The following USP25 variants were observed in gnomAD, a reference collection of about 807,000 sequenced individuals.
USP25 encodes the protein ubiquitin carboxyl-terminal hydrolase 25.
A neutral mutation model predicts 158.5 loss-of-function variants in USP25; 85 were observed. That is an observed-to-expected ratio of 0.54 (90% CI 0.45 to 0.64). USP25 has a LOEUF of 0.64. Ranked by LOEUF, USP25 falls within the 30% of genes least tolerant of loss-of-function variation. The pLI is 0.00. For missense variants in USP25, 1,242 were observed against 1,327.3 expected, an observed-to-expected ratio of 0.94 and a Z score of 1.00; for synonymous variants, 464 against 460.4, an observed-to-expected ratio of 1.01 and a Z score of -0.10.
intron 20 of USP25, among the ~76,000 whole-genome samples, chr21:15,852,169 G>A (rs1357956150): frequency 2.0e-5 from 3 of 152,020 alleles, no homozygotes; most frequent in African/African-American, 7.2e-5. Flanking sequence ...TAAGGAAACT[G>A]TGCTCTTTGT....
chr21:15,789,252 AGG>A (rs2123596519), intron 4 of USP25, among the ~76,000 whole-genome samples: 1 of 152,224 alleles, frequency 6.6e-6, no homozygotes, highest in East Asian at 1.9e-4. Context: ...ACGGGCGTAA[AGG>A]AATTGACTAT....
chr21:15,833,886 A>G (rs145892184), intron 17 of USP25, among the ~76,000 whole-genome samples: 13 of 152,068 alleles, frequency 8.5e-5, no homozygotes, highest in Non-Finnish European at 1.6e-4. Flanking sequence ...TAAAGCTATC[A>G]AGAGTATCAA....
Position 15,860,657 on chromosome 21 carries a change from C to T in USP25, c.2548-3611C>T, listed in dbSNP as rs190484646. Among the ~76,000 whole-genome samples the T allele has an allele frequency of 4.8e-3, 728 of 152,042 alleles. 5 individuals are homozygous for T. The highest frequency in any genetic ancestry group is 8.0e-3 in the Non-Finnish European group (547 of 67,962). On this transcript the variant is annotated intron_variant, in intron 20 of 25. Transcript: ENST00000400183. ...GAATATGGCCAATATTATTTCAGTC[C>T]TCTGGAATTTGAAGTAAGTTTTCTT...
Position 15,843,650 on chromosome 21 carries a change from A to G in USP25, c.2337+1110A>G, listed in dbSNP as rs1335098223. On this transcript the variant is annotated intron_variant, in intron 18 of 25. Transcript: ENST00000400183. This position sits in a 1 kb window ranked among gnomAD's most constrained non-coding sequence, Gnocchi z 4.0. The stretch of plus-strand genomic sequence containing the variant: ...TTTAAATGAATTTGATGTGAACATC[A>G]CTAACTCTAAAGCTTTTCCTGGAAA... 1.3e-5 allele frequency among the ~76,000 whole-genome samples: 2 copies of G among 152,170 alleles called. No individual in the cohort carries two copies. The highest frequency in any genetic ancestry group is 2.9e-5 in the Non-Finnish European group (2 of 68,012).
chr21:15,762,816 A>G, intron 1 of USP25, 75 bp from the exon 2 acceptor site: 1 of 1,359,978 alleles, frequency 7.4e-7, no homozygotes, highest in Non-Finnish European at 1.0e-6. Flanking sequence ...GGAAAACCAA[A>G]GGTGATTTGT....
rs138485808 is a variant in USP25, at chr21:15,801,677, G to A, written c.642+1834G>A. On this transcript the variant is annotated intron_variant, in intron 6 of 25. Coordinates refer to ENST00000400183, the MANE Select transcript of USP25 (RefSeq NM_001283041.3). Reference sequence around the variant, plus strand: ...TCACTTATTTAATAATGAATTTACCGCCAACTCGTGACATGTCTACAGCTA... The same window carrying A: ...TCACTTATTTAATAATGAATTTACCACCAACTCGTGACATGTCTACAGCTA... Among the ~76,000 whole-genome samples the A allele has an allele frequency of 2.6e-3, 392 of 151,592 alleles. 4 individuals carry two copies. Among genetic ancestry groups the A allele is most frequent in the African/African-American group, 7.7e-3 (320 of 41,490 alleles).
intron 5 of USP25, among the ~76,000 whole-genome samples, chr21:15,796,732 C>T (rs1294058694): frequency 6.6e-6 from 1 of 151,316 alleles, no homozygotes. Context: ...AATGTAAATT[C>T]TCTCTTAGAA....
intron 6 of USP25, among the ~76,000 whole-genome samples, chr21:15,803,050 GC>G (rs1246131155): frequency 1.3e-5 from 2 of 151,642 alleles, no homozygotes; most frequent in Non-Finnish European, 3.0e-5. Context: ...AAAGTCACAA[GC>G]TATCAAAGCT....
intron 6 of USP25, among the ~76,000 whole-genome samples, chr21:15,803,576 T>C (rs773853224): frequency 7.9e-5 from 12 of 151,852 alleles, no homozygotes; most frequent in Admixed American, 2.0e-4. Context: ...AAAAATCTTC[T>C]AGAAACTAGG....
intron 1 of USP25, among the ~76,000 whole-genome samples, chr21:15,755,651 T>A (rs2033324990): frequency 6.6e-6 from 1 of 152,154 alleles, no homozygotes; most frequent in Admixed American, 6.5e-5. Context: ...GAGTATATAT[T>A]GGAAACATTG....
chr21:15,824,222 T>C, intron 11 of USP25, 56 bp downstream of exon 11: 1 of 1,583,814 alleles, frequency 6.3e-7, no homozygotes, highest in Non-Finnish European at 8.5e-7. Flanking sequence ...AGGGAGAAAA[T>C]ATTGTTTAGA....
At chr21:15,744,721 TG>T (rs1262063831) in intron 1 of USP25, among the ~76,000 whole-genome samples, 2 of 152,058 alleles carry the variant, frequency 1.3e-5, no homozygotes, top group African/African-American at 2.4e-5. Flanking sequence ...CCTGAGTAGC[TG>T]GGACTACAGG....
intron 4 of USP25, among the ~76,000 whole-genome samples, chr21:15,790,064 C>T (rs1281790971): frequency 6.6e-6 from 1 of 152,022 alleles, no homozygotes. Flanking sequence ...GTCTTTCTAT[C>T]TCTCCCTTGT....
At chr21:15,807,225 G>A (rs2036435843) in intron 7 of USP25, among the ~76,000 whole-genome samples, 1 of 152,056 alleles carries the variant, frequency 6.6e-6, no homozygotes, top group Non-Finnish European at 1.5e-5. Flanking sequence ...ACCACACTTG[G>A]CCCCAATTGA....
chr21:15,878,307 C>T lies in USP25; in HGVS notation c.3210C>T (p.His1070=), dbSNP rs774198051. 1 of 1,611,016 alleles carries T rather than the reference C, an allele frequency of 6.2e-7. No individual in the cohort carries two copies. Among genetic ancestry groups the T allele is most frequent in the South Asian group, 1.1e-5 (1 of 90,520 alleles). The stretch of plus-strand genomic sequence containing the variant: ...TTTAATTGTTTGTATTTGCAGCACA[C>T]CTCCAAGAAAAGCTGACAGATTTTT... ...CSYLGQEMEP[H]LQEKLTDFLP... The change falls in exon 26 of 26, where the codon CAC becomes CAT. Residue 1070 remains histidine, a synonymous_variant. Transcript: ENST00000400183.
chr21:15,808,775 G>T (rs150418250), intron 7 of USP25, 34 bp from the exon 8 acceptor site: 42 of 1,532,048 alleles, frequency 2.7e-5, no homozygotes, highest in Middle Eastern at 1.8e-4. Flanking sequence ...TTTTTAGTAG[G>T]CTCAAATATC....
chr21:15,760,148 T>G (rs550475969), intron 1 of USP25, among the ~76,000 whole-genome samples: 17 of 152,358 alleles, frequency 1.1e-4, no homozygotes, highest in African/African-American at 4.1e-4. Flanking sequence ...ACCCAAAAAA[T>G]TCATTTCCCA....
intron 22 of USP25, among the ~76,000 whole-genome samples, chr21:15,868,537 A>G (rs998853309): frequency 1.3e-4 from 20 of 152,172 alleles, no homozygotes; most frequent in African/African-American, 4.6e-4. Context: ...GGGCTGTTAA[A>G]TCATACAAGT....
At chr21:15,835,306 C>G (rs376643312) in intron 17 of USP25, among the ~76,000 whole-genome samples, 9 of 152,144 alleles carry the variant, frequency 5.9e-5, no homozygotes, top group African/African-American at 1.9e-4. Flanking sequence ...TTCATCCTGT[C>G]TGTTTCTCAT....
Sources: gnomAD v4.1 joint callset for allele counts (sites outside exome capture counted in the v4.1 genomes callset) on GRCh38, gnomAD v4.1.1 for gene constraint, Gnocchi (gnomAD v3.1) non-coding constraint, MANE v1.5 for transcripts, NCBI Gene and HGNC (gene_info 2026-07-23, HGNC 2026-07-21) for gene names.